Variants in RFFL observed in about 807,000 individuals in gnomAD.
The protein encoded by RFFL is ring finger and FYVE like domain containing E3 ubiquitin protein ligase, also known as E3 ubiquitin-protein ligase rififylin.
A neutral mutation model predicts 40.4 loss-of-function variants in RFFL; 16 were observed. The ratio of observed to expected loss-of-function variants is 0.40; its 90% CI spans 0.27 to 0.60. The LOEUF is 0.60. Ranked by LOEUF, RFFL falls within the 20% of genes least tolerant of loss-of-function variation. The probability of loss-of-function intolerance (pLI) is 0.47; values close to 1 mark genes in which losing one functional copy is unlikely to be tolerated. For synonymous variants in RFFL, 154 were observed against 167.9 expected (o/e 0.92, Z 0.64); for missense variants, 367 against 451.7 (o/e 0.81, Z 1.70).
intron 1 of RFFL, among the ~76,000 whole-genome samples, chr17:35,074,661 G>A (rs1287940384): frequency 1.3e-5 from 2 of 152,178 alleles, no homozygotes; most frequent in Non-Finnish European, 2.9e-5. Flanking sequence ...GGATTGTTAG[G>A]AGGATTAAAC....
chr17:35,060,973 G>A (rs980605899), intron 1 of RFFL, among the ~76,000 whole-genome samples: 1 of 152,160 alleles, frequency 6.6e-6, no homozygotes, highest in Non-Finnish European at 1.5e-5. Flanking sequence ...TTGCCAGTTA[G>A]AGAAGGGAGA....
At chr17:35,012,585 C>A (rs1045021223) in intron 6 of RFFL, among the ~76,000 whole-genome samples, 1 of 152,158 alleles carries the variant, frequency 6.6e-6, no homozygotes, top group Non-Finnish European at 1.5e-5. Context: ...AGAAATGGAA[C>A]TGTGATGAAT....
At chr17:35,084,766 G>C (rs1597847808) in intron 1 of RFFL, among the ~76,000 whole-genome samples, 1 of 151,184 alleles carries the variant, frequency 6.6e-6, no homozygotes, top group African/African-American at 2.4e-5. Context: ...TGTGGTGGTG[G>C]GTGCCTGTAA....
intron 1 of RFFL, among the ~76,000 whole-genome samples, chr17:35,058,944 C>T (rs942889082): frequency 6.6e-6 from 1 of 151,770 alleles, no homozygotes; most frequent in Non-Finnish European, 1.5e-5. Flanking sequence ...GTATGACTGC[C>T]AGGCCTAGGT....
intron 1 of RFFL, among the ~76,000 whole-genome samples, chr17:35,086,616 C>T (rs1043877364): frequency 1.3e-5 from 2 of 152,008 alleles, no homozygotes; most frequent in East Asian, 1.9e-4. Context: ...CATTACCAAA[C>T]AACAATGAAG....
chr17:35,035,795 C>T (rs974383976), intron 1 of RFFL, among the ~76,000 whole-genome samples: 1 of 151,930 alleles, frequency 6.6e-6, no homozygotes, highest in Non-Finnish European at 1.5e-5. Context: ...CCTCCATCTC[C>T]AGGGTTCAAG....
chr17:35,054,597 A>G lies in RFFL; in HGVS notation c.-9+8979T>C, dbSNP rs17605059. 3.7e-3 allele frequency among the ~76,000 whole-genome samples: 560 copies of G among 151,582 alleles called. 1 individual carries two copies. The highest frequency in any genetic ancestry group is 5.8e-3 in the Non-Finnish European group (396 of 67,958). ...CAGATTACTATAGAAAAATCAGAAG[A>G]CTTTATTTAACTGGGTTGCTAACAA... On this transcript the variant is annotated intron_variant, in intron 1 of 6. Transcript: ENST00000394597.
rs2091439815 is a variant in RFFL, at chr17:35,088,070, A to G, written c.-9+1035T>C. On this transcript the variant is annotated intron_variant, in intron 1 of 6. Coordinates refer to the RFFL transcript ENST00000315249. ...TGTCACGGGGAGAATAAGGCACCCC[A>G]AACAGTTGCAGCGACAGTGGTTAAC... Among the ~76,000 whole-genome samples, 5 of 152,282 alleles carry G rather than the reference A, an allele frequency of 3.3e-5. No individual in the cohort carries two copies. In the South Asian group the frequency reaches 1.0e-3, roughly 32 times the overall value.
rs1022478519 is a variant in RFFL, at chr17:35,034,990, G to A, written c.-8-8429C>T. 7.9e-5 allele frequency among the ~76,000 whole-genome samples: 12 copies of A among 152,298 alleles called. No homozygotes were observed. The East Asian group carries it at 2.3e-3, about 29-fold the overall frequency. Reference sequence around the variant, plus strand: ...AGAAGAAAACTCTTCTTTAGCTGGAGTCAAGAGAACCCATCTTCCTCCACA... The same window carrying A: ...AGAAGAAAACTCTTCTTTAGCTGGAATCAAGAGAACCCATCTTCCTCCACA... On this transcript the variant is annotated intron_variant, in intron 1 of 6. Coordinates refer to ENST00000394597, the MANE Select transcript of RFFL (RefSeq NM_001017368.2).
At chr17:35,030,614 T>C (rs541820443) in intron 1 of RFFL, among the ~76,000 whole-genome samples, 2 of 152,114 alleles carry the variant, frequency 1.3e-5, no homozygotes, top group South Asian at 4.2e-4. Flanking sequence ...TTTGTATTTT[T>C]AGTAGAGACT....
rs534355618 is a variant in RFFL, at chr17:35,068,963, A to G, written c.-9+20142T>C. 1.6e-4 allele frequency among the ~76,000 whole-genome samples: 25 copies of G among 152,254 alleles called. No individual in the cohort carries two copies. In the South Asian group the frequency reaches 5.2e-3, roughly 32 times the overall value. ...TTCTGTTTTTTTTCCCTGAGCAGCT[A>G]ATACAGTAGAAGGGCAGGGAAAAGA... is the stretch of plus-strand genomic sequence containing the variant. On this transcript the variant is annotated intron_variant, in intron 1 of 6. Transcript: ENST00000315249.
chr17:35,040,841 CTTTTTTT>C (rs869061281), intron 1 of RFFL, among the ~76,000 whole-genome samples: 13 of 62,390 alleles, frequency 2.1e-4, no homozygotes, highest in South Asian at 1.2e-3. Flanking sequence ...GCTTTAATGT[CTTTTTTT>C]TTTTTTTTTT....
At chr17:35,059,513 C>A (rs2091280171) in intron 1 of RFFL, among the ~76,000 whole-genome samples, 1 of 152,120 alleles carries the variant, frequency 6.6e-6, no homozygotes, top group Non-Finnish European at 1.5e-5. Flanking sequence ...AAATCATAGG[C>A]AATAAAATGG....
chr17:35,065,964 A>G (rs1422074665), upstream of RFFL, among the ~76,000 whole-genome samples: 1 of 152,092 alleles, frequency 6.6e-6, no homozygotes, highest in Non-Finnish European at 1.5e-5. Context: ...CTTTCAATAC[A>G]TTATTTTAAA....
intron 3 of RFFL, 23 bp from the exon 4 acceptor site, chr17:35,017,629 T>G: frequency 6.6e-7 from 1 of 1,520,028 alleles, no homozygotes; most frequent in African/African-American, 1.4e-5. Context: ...AAAAGTAACA[T>G]CACATCTAGA....
chr17:35,084,130 T>C (rs1230326834), intron 1 of RFFL, among the ~76,000 whole-genome samples: 1 of 152,008 alleles, frequency 6.6e-6, no homozygotes, highest in Non-Finnish European at 1.5e-5. Context: ...TCCCAGCTAC[T>C]TGGGAGACGG....
intron 1 of RFFL, among the ~76,000 whole-genome samples, chr17:35,055,620 G>A (rs1214781926): frequency 3.4e-5 from 5 of 148,736 alleles, no homozygotes; most frequent in African/African-American, 1.3e-4. Flanking sequence ...GCAGTGAGCC[G>A]AGATCATGCC....
rs532477812 is a variant in RFFL at position 35,035,706 on chromosome 17, A to C, written c.-8-9145T>G. 6.7e-5 allele frequency among the ~76,000 whole-genome samples: 10 copies of C among 149,696 alleles called. 1 individual carries two copies. The East Asian group carries it at 1.8e-3, about 26-fold the overall frequency. ...CCATATATATATGTATATATATATA[A>C]ATTTTTTCTTTTTTGAGATGGAGAT... On this transcript the variant is annotated intron_variant, in intron 1 of 6. Transcript: ENST00000394597.
At chr17:35,035,408 CA>C (rs35989343) in intron 1 of RFFL, among the ~76,000 whole-genome samples, 1,706 of 115,704 alleles carry the variant, frequency 0.015, 21 homozygotes, top group African/African-American at 0.041. Flanking sequence ...GACTCCATCT[CA>C]AAAAAAAAAA....
Sources: allele counts gnomAD v4.1 joint callset (sites outside exome capture counted in the v4.1 genomes callset), GRCh38; gene constraint gnomAD v4.1.1; transcripts MANE v1.5; gene names NCBI Gene and HGNC (gene_info 2026-07-23, HGNC 2026-07-21).